VPS53: variants seen among roughly 807,000 people sequenced by gnomAD.
VPS53 encodes vacuolar protein sorting-associated protein 53 homolog.
A neutral mutation model predicts 107.0 loss-of-function variants in VPS53; 70 were observed. The observed-to-expected ratio is 0.65, with a 90% CI of 0.54 to 0.80. The LOEUF (loss-of-function observed/expected upper bound fraction) is 0.80, where lower values mean the gene tolerates loss of function less well. VPS53 is among the 30% of genes least tolerant of loss of function. VPS53 has a pLI of 0.00. For missense variants in VPS53, 917 were observed against 1,049.4 expected (o/e 0.87, Z 1.74); for synonymous variants, 409 against 393.3 (o/e 1.04, Z -0.47).
chr17:708,851 A>T (rs1973520040), intron 2 of VPS53, among the ~76,000 whole-genome samples: 1 of 152,116 alleles, frequency 6.6e-6, no homozygotes, highest in South Asian at 2.1e-4. Context: ...ATCCATATAC[A>T]ATCATCTCTA....
chr17:707,267 A>C (rs1264885004), intron 2 of VPS53, among the ~76,000 whole-genome samples: 1 of 151,962 alleles, frequency 6.6e-6, no homozygotes, highest in Non-Finnish European at 1.5e-5. Context: ...CACGCCTGTC[A>C]TCCCAGCACT....
intron 13 of VPS53, among the ~76,000 whole-genome samples, chr17:580,336 T>C (rs774853450): frequency 2.9e-5 from 4 of 139,506 alleles, no homozygotes; most frequent in Non-Finnish European, 6.1e-5. Context: ...CTCAGTGCGT[T>C]TCCAGAGAAC....
intron 1 of VPS53, among the ~76,000 whole-genome samples, chr17:713,901 C>T (rs8064575): frequency 0.13 from 19,505 of 150,484 alleles, 1,377 homozygotes; most frequent in East Asian, 0.28. Context: ...AAAAATTAGC[C>T]GGGTGTGGTG....
chr17:519,927 C>T lies in VPS53; in HGVS notation c.2227G>A (p.Val743Met). 1 of 1,551,000 alleles carries T rather than the reference C, an allele frequency of 6.4e-7. No homozygotes were observed. The highest frequency in any genetic ancestry group is 8.7e-7 in the Non-Finnish European group (1 of 1,146,400). Residue 743 changes from valine (V) to methionine (M), a missense_variant, in exon 21 of 22, where the codon GTG (valine) becomes ATG (methionine). Physicochemically the swap from Val to Met is conservative, Grantham distance 21. Coordinates refer to ENST00000437048, the MANE Select transcript of VPS53 (RefSeq NM_001128159.3). The surrounding 1 kb of genome is among the most constrained non-coding windows in gnomAD (Gnocchi z 5.0). The part of the protein sequence containing the change: ...MTRAEMILKV[V>M]MAPHEPLVVF... ...ACCAACGGTTCATGAGGGGCCATCA[C>T]TACCTACAGCGGGAGGAGACAGGAG...
chr17:602,665 A>G (rs1045440950), intron 11 of VPS53, among the ~76,000 whole-genome samples: 7 of 152,242 alleles, frequency 4.6e-5, no homozygotes, highest in African/African-American at 1.7e-4. Flanking sequence ...TCTGAGCCTC[A>G]GTAACTTCAT....
chr17:702,880 C>A (rs1228817333), intron 2 of VPS53, among the ~76,000 whole-genome samples: 1 of 151,934 alleles, frequency 6.6e-6, no homozygotes, highest in Non-Finnish European at 1.5e-5. Context: ...GCGAGGCACA[C>A]TTTTCTCCTC....
At chr17:634,956 T>C (rs4968096) in intron 7 of VPS53, among the ~76,000 whole-genome samples, 29,068 of 152,030 alleles carry the variant, frequency 0.19, 3,098 homozygotes, top group Admixed American at 0.3. Context: ...TTCTAGATCC[T>C]TGAGGAATCG....
intron 16 of VPS53, among the ~76,000 whole-genome samples, chr17:552,169 T>TC (rs1911882094): frequency 6.6e-6 from 1 of 152,134 alleles, no homozygotes. Context: ...ACGGTCAGTC[T>TC]CCCTAATCAC....
intron 1 of VPS53, among the ~76,000 whole-genome samples, chr17:713,326 G>A (rs1290913357): frequency 1.3e-5 from 2 of 151,982 alleles, no homozygotes; most frequent in Non-Finnish European, 2.9e-5. Flanking sequence ...GATTTTCTCC[G>A]TTTATCAGGA....
intron 16 of VPS53, 31 bp downstream of exon 16, chr17:553,349 G>T (rs781665610): frequency 5.6e-6 from 9 of 1,606,962 alleles, no homozygotes; most frequent in Non-Finnish European, 7.7e-6. Flanking sequence ...AGAAAGGGCA[G>T]GCAGCCAGTA....
At position 519,313 on chromosome 17, in the gene VPS53, G is replaced by C. The variant is rs1316124299; in HGVS notation, c.2329-15C>G. On this transcript the variant is annotated splice_polypyrimidine_tract_variant and intron_variant, in intron 21 of 21. Transcript: ENST00000437048. The surrounding 1 kb of genome is among the most constrained non-coding windows in gnomAD (Gnocchi z 5.0). The stretch of plus-strand genomic sequence containing the variant: ...CTCTTCAGCCCCTGAGGTTGAGAGA[G>C]AAACAGAACCGTCACGAAGTCTGGG... 1.4e-6 allele frequency: 2 copies of C among 1,463,870 alleles called. No homozygotes were observed. The highest frequency in any genetic ancestry group is 1.8e-6 in the Non-Finnish European group (2 of 1,106,158). The allele number at this position is 1,463,870 out of a possible 1,614,324, so 90.7% of individuals were successfully genotyped here.
At chr17:701,329 A>C (rs1270928623) in intron 2 of VPS53, among the ~76,000 whole-genome samples, 1 of 151,882 alleles carries the variant, frequency 6.6e-6, no homozygotes, top group East Asian at 1.9e-4. Flanking sequence ...TCAAAAAAAA[A>C]GAAAAACGAA....
chr17:657,480 A>C, intron 5 of VPS53: 2 of 1,464,370 alleles, frequency 1.4e-6, no homozygotes, highest in Non-Finnish European at 9.6e-7. Flanking sequence ...CACACCGGTC[A>C]ATTTATCCAG....
intron 19 of VPS53, among the ~76,000 whole-genome samples, chr17:529,995 C>T (rs1014683805): frequency 6.6e-6 from 1 of 151,628 alleles, no homozygotes; most frequent in Non-Finnish European, 1.5e-5. Context: ...ATGATTGTGC[C>T]ACTGTACTCA....
intron 13 of VPS53, among the ~76,000 whole-genome samples, chr17:573,090 G>A (rs1914317066): frequency 6.6e-6 from 1 of 152,166 alleles, no homozygotes; most frequent in South Asian, 2.1e-4. Flanking sequence ...ACAGATGCTA[G>A]GCTCTAGAAA....
intron 4 of VPS53, among the ~76,000 whole-genome samples, chr17:685,646 T>C (rs994841126): frequency 2.1e-4 from 32 of 152,108 alleles, no homozygotes; most frequent in African/African-American, 7.5e-4. Flanking sequence ...CAACTTACGA[T>C]GGGTTTATCA....
intron 6 of VPS53, among the ~76,000 whole-genome samples, chr17:653,934 G>A (rs939277830): frequency 6.6e-6 from 1 of 152,136 alleles, no homozygotes; most frequent in African/African-American, 2.4e-5. Flanking sequence ...GGTGGCTCAC[G>A]CCTGTCATAC....
intron 7 of VPS53, among the ~76,000 whole-genome samples, chr17:638,762 A>G (rs954945458): frequency 6.6e-6 from 1 of 152,236 alleles, no homozygotes; most frequent in South Asian, 2.1e-4. Flanking sequence ...CTTCTGGCTT[A>G]TAGAGTTTCT....
At chr17:602,108 G>GA (rs1968356955) in intron 11 of VPS53, among the ~76,000 whole-genome samples, 1 of 152,088 alleles carries the variant, frequency 6.6e-6, no homozygotes, top group African/African-American at 2.4e-5. Flanking sequence ...GCCCCAACTC[G>GA]AATCTGGCTA....
Sources: allele counts gnomAD v4.1 joint callset (sites outside exome capture counted in the v4.1 genomes callset), GRCh38; gene constraint gnomAD v4.1.1; non-coding constraint Gnocchi (gnomAD v3.1); transcripts MANE v1.5; gene names NCBI Gene and HGNC (gene_info 2026-07-23, HGNC 2026-07-21).